GRIN2A: variants seen among roughly 807,000 people sequenced by gnomAD.
GRIN2A encodes the protein glutamate ionotropic receptor NMDA type subunit 2A.
Under a neutral mutation model 113.4 loss-of-function variants are expected in GRIN2A, and 22 were observed. The observed-to-expected ratio is 0.19, with a 90% CI of 0.14 to 0.28. The LOEUF (loss-of-function observed/expected upper bound fraction) is 0.28, where lower values mean the gene tolerates loss of function less well. Ranked by LOEUF, GRIN2A falls within the 10% of genes least tolerant of loss-of-function variation. The pLI, the probability that GRIN2A is intolerant of heterozygous loss-of-function variation, is 1.00. For synonymous variants in GRIN2A, 827 were observed against 738.4 expected, an observed-to-expected ratio of 1.12 and a Z score of -1.94; for missense variants, 1,502 against 1,887.0, an observed-to-expected ratio of 0.80 and a Z score of 3.78.
chr16:10,175,882 T>G (rs1369766582), intron 2 of GRIN2A, among the ~76,000 whole-genome samples: 1 of 152,190 alleles, frequency 6.6e-6, no homozygotes, highest in Non-Finnish European at 1.5e-5. Flanking sequence ...CAGGGACTAT[T>G]ACTGCAGCTG....
chr16:10,035,816 TG>T (rs1293053327), intron 2 of GRIN2A, among the ~76,000 whole-genome samples: 1 of 151,742 alleles, frequency 6.6e-6, no homozygotes, highest in Non-Finnish European at 1.5e-5. Flanking sequence ...CTCTGCCTCC[TG>T]GGTTCAAGCA....
At chr16:9,916,656 G>A (rs2044256851) in intron 3 of GRIN2A, among the ~76,000 whole-genome samples, 1 of 152,068 alleles carries the variant, frequency 6.6e-6, no homozygotes, top group Non-Finnish European at 1.5e-5. Flanking sequence ...GGAGTCAACG[G>A]TCCACTCCTA....
chr16:10,010,371 G>A (rs1596412939), intron 2 of GRIN2A, among the ~76,000 whole-genome samples: 2 of 152,176 alleles, frequency 1.3e-5, no homozygotes, highest in African/African-American at 2.4e-5. Flanking sequence ...ATGGGTACTA[G>A]GCTTAATACC....
intron 2 of GRIN2A, chr16:10,031,485 C>G (rs2046927929): frequency 6.6e-6 from 1 of 152,282 alleles, no homozygotes; most frequent in East Asian, 1.9e-4. Context: ...CGTCTCTGTC[C>G]TTATACAGAA....
chr16:9,811,447 T>C (rs947896909), intron 10 of GRIN2A, among the ~76,000 whole-genome samples: 1 of 152,158 alleles, frequency 6.6e-6, no homozygotes, highest in African/African-American at 2.4e-5. Flanking sequence ...GAAGTTCCCA[T>C]GTGAGTTCAG....
At chr16:9,873,681 G>A (rs893993769) in intron 4 of GRIN2A, among the ~76,000 whole-genome samples, 2 of 152,172 alleles carry the variant, frequency 1.3e-5, no homozygotes, top group Non-Finnish European at 2.9e-5. Flanking sequence ...AACAAGTCTC[G>A]TCTCTAAATC....
At chr16:9,988,262 C>T (rs1444785817) in intron 2 of GRIN2A, among the ~76,000 whole-genome samples, 1 of 115,328 alleles carries the variant, frequency 8.7e-6, no homozygotes, top group Non-Finnish European at 1.8e-5. Flanking sequence ...GAAAGAGATC[C>T]ATAGGGGTGT....
intron 2 of GRIN2A, among the ~76,000 whole-genome samples, chr16:10,027,397 G>C (rs145080352): frequency 1.3e-5 from 2 of 152,134 alleles, no homozygotes; most frequent in Non-Finnish European, 2.9e-5. Context: ...TCCAAGGAAC[G>C]TTCATCCTGC....
At chr16:10,132,712 T>C (rs1485353994) in intron 2 of GRIN2A, among the ~76,000 whole-genome samples, 5 of 152,356 alleles carry the variant, frequency 3.3e-5, no homozygotes, top group African/African-American at 1.2e-4. Context: ...TTAGTACGTA[T>C]GTCCTAAAGG....
rs142275250 is a variant in GRIN2A at position 10,044,759 on chromosome 16, G to A, written c.415-106208C>T. On this transcript the variant is annotated intron_variant, in intron 2 of 12. Coordinates refer to ENST00000330684, the MANE Select transcript of GRIN2A (RefSeq NM_001134407.3). ...ACAGTTATGACAGCTCTCATCCCAC[G>A]ACATTCCAATCATGTGTTCGAATCT... 1.2e-3 allele frequency among the ~76,000 whole-genome samples: 189 copies of A among 151,544 alleles called. 2 individuals are homozygous for A. The highest frequency in any genetic ancestry group is 2.3e-3 in the Non-Finnish European group (153 of 67,934).
chr16:9,960,749 C>T (rs990307055), intron 2 of GRIN2A, among the ~76,000 whole-genome samples: 6 of 152,182 alleles, frequency 3.9e-5, no homozygotes, highest in African/African-American at 1.4e-4. Flanking sequence ...CTCAACCTCC[C>T]AAGTAGCAGG....
At chr16:10,168,764 A>G (rs2049975792) in intron 2 of GRIN2A, among the ~76,000 whole-genome samples, 1 of 152,082 alleles carries the variant, frequency 6.6e-6, no homozygotes, top group Admixed American at 6.5e-5. Flanking sequence ...TCAGGAGTTC[A>G]AGACCAGCCT....
At chr16:10,166,912 T>G (rs1286685898) in intron 2 of GRIN2A, among the ~76,000 whole-genome samples, 1 of 152,178 alleles carries the variant, frequency 6.6e-6, no homozygotes, top group African/African-American at 2.4e-5. Flanking sequence ...TCCTTACGAT[T>G]TTCCTTATGA....
chr16:10,000,973 C>T (rs1596404787), intron 2 of GRIN2A, among the ~76,000 whole-genome samples: 1 of 152,142 alleles, frequency 6.6e-6, no homozygotes, highest in Non-Finnish European at 1.5e-5. Context: ...TAGGCAATGA[C>T]TCTCCATCCC....
chr16:9,932,755 C>G (rs1426439109), intron 3 of GRIN2A, among the ~76,000 whole-genome samples: 1 of 152,166 alleles, frequency 6.6e-6, no homozygotes, highest in Non-Finnish European at 1.5e-5. Flanking sequence ...ACGCCACACA[C>G]TGGTCTAAGA....
chr16:9,906,544 G>A (rs1464525283), intron 3 of GRIN2A, among the ~76,000 whole-genome samples: 3 of 152,112 alleles, frequency 2.0e-5, no homozygotes, highest in African/African-American at 4.8e-5. Flanking sequence ...TCTTCTCTGG[G>A]AATTTTTTAT....
intron 2 of GRIN2A, among the ~76,000 whole-genome samples, chr16:10,094,045 G>T (rs376902044): frequency 1.3e-5 from 2 of 152,158 alleles, no homozygotes; most frequent in Admixed American, 1.3e-4. Flanking sequence ...TTCTAAACAG[G>T]AAGCATCAGA....
intron 2 of GRIN2A, among the ~76,000 whole-genome samples, chr16:9,989,010 T>G (rs1051903082): frequency 1.3e-5 from 2 of 152,222 alleles, no homozygotes; most frequent in East Asian, 3.8e-4. Flanking sequence ...ATACGTGACC[T>G]GATAAGACTT....
chr16:9,989,646 A>T (rs900051512), intron 2 of GRIN2A, among the ~76,000 whole-genome samples: 1 of 152,204 alleles, frequency 6.6e-6, no homozygotes, highest in Admixed American at 6.5e-5. Context: ...GGTATCCAAC[A>T]AAGGGCTAAT....
Sources: gnomAD v4.1 joint callset for allele counts (sites outside exome capture counted in the v4.1 genomes callset) on GRCh38, gnomAD v4.1.1 for gene constraint, MANE v1.5 for transcripts, NCBI Gene and HGNC (gene_info 2026-07-23, HGNC 2026-07-21) for gene names.